The following RIPPLY3 variants were observed in gnomAD, a reference collection of about 807,000 sequenced individuals.
RIPPLY3 encodes the protein ripply transcriptional repressor 3, also known as protein ripply3.
A neutral mutation model predicts 11.9 loss-of-function variants in RIPPLY3; 8 were observed. The ratio of observed to expected loss-of-function variants is 0.67; its 90% CI spans 0.40 to 1.21. The LOEUF is 1.21. Among genes scored for constraint, RIPPLY3 ranks in the 50% most tolerant of loss-of-function variants. The pLI is 0.01. For missense variants in RIPPLY3, 271 were observed against 246.0 expected (o/e 1.10, Z -0.68); for synonymous variants, 102 against 99.0 (o/e 1.03, Z -0.18).
At position 37,015,867 on chromosome 21, in the gene RIPPLY3, C is replaced by A. The variant is rs370008621; in HGVS notation, c.240-2007C>A. On this transcript the variant is annotated intron_variant, in intron 3 of 3. Transcript: ENST00000329553. ...GGGACTACAGGTACAAACCACCACA[C>A]CCAGCTAATTTTTTTTTTTTTTTTT... Among the ~76,000 whole-genome samples, 8 of 149,534 alleles carry A rather than the reference C, an allele frequency of 5.3e-5. No individual in the cohort carries two copies. In the South Asian group the frequency reaches 1.5e-3, roughly 29 times the overall value.
In RIPPLY3 at chr21:37,007,400, C is replaced by CTTTTTTTTTTTTTTT. The variant is rs895853940; in HGVS notation, c.104+536_104+550dup. ...TAGCCAGGCAGGAGAAAGATTCCCT[C>CTTTTTTTTTTTTTTT]TTTTTTTTTTTTTTTTTTTTTTTTT... On this transcript the variant is annotated intron_variant, in intron 1 of 3. Transcript: ENST00000329553. Among the ~76,000 whole-genome samples the CTTTTTTTTTTTTTTT allele has an allele frequency of 3.9e-4, 34 of 86,296 alleles. 1 individual carries two copies. The highest frequency in any genetic ancestry group is 1.6e-3 in the African/African-American group (31 of 19,894). The allele number at this position is 86,296 out of a possible 152,430, so 56.6% of individuals were successfully genotyped here. A position where few individuals can be genotyped will look rare whatever the true frequency, so the allele number is the denominator to read the frequency against.
intron 2 of RIPPLY3, among the ~76,000 whole-genome samples, chr21:37,012,212 TTTATTATTATTATTATTATTA>T (rs35315761): frequency 2.3e-5 from 3 of 132,512 alleles, no homozygotes; most frequent in Non-Finnish European, 4.9e-5. Context: ...CCGCTCCTTA[TTTATTATTATTATTATTATTA>T]TTATTATTAT....
At chr21:37,011,079 C>T (rs919615653) in intron 2 of RIPPLY3, among the ~76,000 whole-genome samples, 18 of 152,038 alleles carry the variant, frequency 1.2e-4, no homozygotes, top group African/African-American at 4.3e-4. Context: ...TCTCAGCTCA[C>T]TGCAGCCTCT....
At position 37,007,332 on chromosome 21, in the gene RIPPLY3, C is replaced by T. The variant is rs534981628; in HGVS notation, c.104+456C>T. On this transcript the variant is annotated intron_variant, in intron 1 of 3. Coordinates refer to ENST00000329553, the MANE Select transcript of RIPPLY3 (RefSeq NM_018962.3). ...GTAACGTTGTAGGAAATCAAATTAG[C>T]CAGGGAGGTAGGGAAGGGACCGGGT... Among the ~76,000 whole-genome samples the T allele has an allele frequency of 3.3e-5, 5 of 151,298 alleles. No individual in the cohort carries two copies. In the East Asian group the frequency reaches 9.8e-4, roughly 30 times the overall value.
chr21:37,016,653 G>A (rs1345644386), intron 3 of RIPPLY3, among the ~76,000 whole-genome samples: 4 of 152,036 alleles, frequency 2.6e-5, no homozygotes, highest in Non-Finnish European at 5.9e-5. Flanking sequence ...GCAATATGGC[G>A]AAACCCTGTC....
At chr21:37,008,664 A>G (rs1406347215) in intron 2 of RIPPLY3, among the ~76,000 whole-genome samples, 2 of 149,410 alleles carry the variant, frequency 1.3e-5, no homozygotes, top group South Asian at 2.2e-4. Flanking sequence ...AGGCCGAGGC[A>G]GGAGAATCGC....
Position 37,013,630 on chromosome 21 carries a change from C to T in RIPPLY3, c.239+12C>T. 12 of 1,601,822 alleles carry T rather than the reference C, an allele frequency of 7.5e-6. No individual in the cohort carries two copies. The highest frequency in any genetic ancestry group is 1.0e-5 in the Non-Finnish European group (12 of 1,169,632). ...CAGCATCCTGTAAGGTAATATACGA[C>T]TTCACAATAAGTAATCTGTAATTTC... On this transcript the variant is annotated intron_variant, in intron 3 of 3. Coordinates refer to ENST00000329553, the MANE Select transcript of RIPPLY3 (RefSeq NM_018962.3).
chr21:37,008,439 C>T (rs1326010655), intron 2 of RIPPLY3, among the ~76,000 whole-genome samples: 1 of 151,998 alleles, frequency 6.6e-6, no homozygotes, highest in Non-Finnish European at 1.5e-5. Context: ...GCTTCTCCTT[C>T]CTAAAAAAGC....
intron 3 of RIPPLY3, among the ~76,000 whole-genome samples, chr21:37,015,900 T>C (rs1437535533): frequency 7.1e-6 from 1 of 140,420 alleles, no homozygotes; most frequent in Non-Finnish European, 1.5e-5. Context: ...TTTTTTCAGA[T>C]ATGGGGTTTT....
In RIPPLY3 at chr21:37,018,245, C is replaced by T; in HGVS notation, c.*38C>T. 1 of 1,546,884 alleles carries T rather than the reference C, an allele frequency of 6.5e-7. No homozygotes were observed. Among genetic ancestry groups the T allele is most frequent in the Non-Finnish European group, 8.9e-7 (1 of 1,120,834 alleles). On this transcript the variant is annotated 3_prime_UTR_variant, in exon 4 of 4. Transcript: ENST00000329553. ...CTCCTGGGCCCTGCTCTGGGACCTG[C>T]CCCTCACGTTCTCTTGGGGACACCC...
intron 2 of RIPPLY3, among the ~76,000 whole-genome samples, chr21:37,012,051 G>A (rs1425795843): frequency 6.6e-6 from 1 of 151,052 alleles, no homozygotes; most frequent in Non-Finnish European, 1.5e-5. Context: ...CCGCCCCAGC[G>A]TCCGTGCAGG....
At chr21:37,013,505 G>T (rs116659784) in intron 2 of RIPPLY3, 46 bp from the exon 3 acceptor site, 12 of 1,535,632 alleles carry the variant, frequency 7.8e-6, no homozygotes, top group Non-Finnish European at 8.1e-6. Context: ...GTCACCTTCC[G>T]ACACTCCTGC....
chr21:37,016,526 A>G (rs2069580700), intron 3 of RIPPLY3, among the ~76,000 whole-genome samples: 1 of 152,156 alleles, frequency 6.6e-6, no homozygotes, highest in Admixed American at 6.6e-5. Context: ...AGAAAAATGC[A>G]AATAAGTTAA....
intron 2 of RIPPLY3, 47 bp downstream of exon 2, chr21:37,008,270 T>A (rs73393097): frequency 3.8e-6 from 6 of 1,597,756 alleles, no homozygotes; most frequent in Non-Finnish European, 5.1e-6. Context: ...AGCCAGAAAG[T>A]GGCATCGTCT....
At chr21:37,009,188 C>T (rs115697808) in intron 2 of RIPPLY3, among the ~76,000 whole-genome samples, 1 of 151,922 alleles carries the variant, frequency 6.6e-6, no homozygotes, top group Non-Finnish European at 1.5e-5. Context: ...TAGAATTTAC[C>T]TTTCCTTTGT....
intron 2 of RIPPLY3, among the ~76,000 whole-genome samples, chr21:37,011,814 G>A (rs1223089508): frequency 2.0e-5 from 3 of 151,566 alleles, no homozygotes; most frequent in Admixed American, 6.6e-5. Context: ...TTAGCCGGGC[G>A]TGGTGGCATG....
chr21:37,009,251 G>A (rs575617823), intron 2 of RIPPLY3, among the ~76,000 whole-genome samples: 2 of 144,910 alleles, frequency 1.4e-5, no homozygotes, highest in Admixed American at 1.4e-4. Flanking sequence ...TTTTTTTGAT[G>A]ACTCTTAAAA....
chr21:37,006,690 G>A (rs566083562), upstream of RIPPLY3: 773 of 895,026 alleles, frequency 8.6e-4, 6 homozygotes, highest in African/African-American at 0.013. This position sits in a 1 kb window ranked among gnomAD's most constrained non-coding sequence, Gnocchi z 5.2. Context: ...TGGCGCGCGG[G>A]TAGGTGAGCG....
intron 3 of RIPPLY3, among the ~76,000 whole-genome samples, chr21:37,014,557 G>C (rs78778529): frequency 1.3e-5 from 2 of 152,066 alleles, no homozygotes; most frequent in South Asian, 4.2e-4. Flanking sequence ...TGTCTCGCTC[G>C]ATCTCCTTTA....
Sources: allele counts gnomAD v4.1 joint callset (sites outside exome capture counted in the v4.1 genomes callset), GRCh38; gene constraint gnomAD v4.1.1; non-coding constraint Gnocchi (gnomAD v3.1); transcripts MANE v1.5; gene names NCBI Gene and HGNC (gene_info 2026-07-23, HGNC 2026-07-21).